PLCL1: variants seen among roughly 807,000 people sequenced by gnomAD.
The protein encoded by PLCL1 is phospholipase C like 1 (inactive).
PLCL1 carries 41 observed loss-of-function variants against 84.4 expected under a neutral mutation model. The observed-to-expected ratio is 0.49, with a 90% CI of 0.38 to 0.63. PLCL1 has a LOEUF of 0.63. PLCL1 is among the 30% of genes least tolerant of loss of function. The pLI is 0.00. For missense variants in PLCL1, 1,206 were observed against 1,367.8 expected, an observed-to-expected ratio of 0.88 and a Z score of 1.87; for synonymous variants, 490 against 488.3, an observed-to-expected ratio of 1.00 and a Z score of -0.05.
intron 1 of PLCL1, among the ~76,000 whole-genome samples, chr2:197,850,831 C>A (rs1448732529): frequency 6.6e-6 from 1 of 152,178 alleles, no homozygotes; most frequent in Non-Finnish European, 1.5e-5. Context: ...CTAAAAGCAG[C>A]AACTTGTGGG....
At chr2:198,067,514 T>C (rs1184887903) in intron 1 of PLCL1, among the ~76,000 whole-genome samples, 1 of 152,230 alleles carries the variant, frequency 6.6e-6, no homozygotes, top group African/African-American at 2.4e-5. Context: ...CAGTTCTTTT[T>C]TTTCAACATT....
intron 1 of PLCL1, among the ~76,000 whole-genome samples, chr2:197,991,710 G>A (rs957963270): frequency 6.6e-6 from 1 of 152,106 alleles, no homozygotes; most frequent in Admixed American, 6.5e-5. Flanking sequence ...CCCAGTGCAG[G>A]ACTGCTGCAG....
intron 1 of PLCL1, among the ~76,000 whole-genome samples, chr2:198,055,570 G>A (rs879385512): frequency 2.0e-5 from 3 of 147,668 alleles, no homozygotes; most frequent in South Asian, 2.2e-4. Flanking sequence ...GGAGAAAACC[G>A]TTTATGTTAT....
chr2:197,901,666 T>C (rs1242855858), intron 1 of PLCL1, among the ~76,000 whole-genome samples: 5 of 152,156 alleles, frequency 3.3e-5, no homozygotes, highest in Non-Finnish European at 7.3e-5. Flanking sequence ...AGGATAAAGA[T>C]TCAGAGCAAT....
chr2:197,872,418 A>G (rs932005871), intron 1 of PLCL1, among the ~76,000 whole-genome samples: 2 of 152,076 alleles, frequency 1.3e-5, no homozygotes, highest in Non-Finnish European at 2.9e-5. Flanking sequence ...TTTCCCCATT[A>G]AACTGTAGGC....
chr2:197,952,857 C>G (rs1356617258), intron 1 of PLCL1, among the ~76,000 whole-genome samples: 1 of 152,044 alleles, frequency 6.6e-6, no homozygotes, highest in Non-Finnish European at 1.5e-5. Flanking sequence ...GTAAGGTATG[C>G]CTTTCACCTT....
At chr2:197,865,370 C>T (rs542401781) in intron 1 of PLCL1, among the ~76,000 whole-genome samples, 16 of 152,136 alleles carry the variant, frequency 1.1e-4, no homozygotes, top group South Asian at 6.2e-4. Context: ...AAAAGCAAAA[C>T]GGGACTGTTT....
At position 197,850,928 on chromosome 2, in the gene PLCL1, C is replaced by G. The variant is rs77924503; in HGVS notation, c.240+45589C>G. On this transcript the variant is annotated intron_variant, in intron 1 of 5. Transcript: ENST00000428675. ...GACCACTTGCACCTCCATAAACAAA[C>G]ATTATCACAAACTTTCTTATATACC... is the stretch of plus-strand genomic sequence containing the variant. Among the ~76,000 whole-genome samples the G allele has an allele frequency of 6.9e-3, 1,053 of 152,302 alleles. 17 individuals carry two copies. The highest frequency in any genetic ancestry group is 0.024 in the African/African-American group (989 of 41,570).
intron 1 of PLCL1, among the ~76,000 whole-genome samples, chr2:198,030,154 C>A (rs1272635635): frequency 6.6e-6 from 1 of 152,064 alleles, no homozygotes; most frequent in Non-Finnish European, 1.5e-5. Context: ...TTTTTCCCTC[C>A]TCCCACCCTT....
At chr2:198,008,023 T>C (rs1690772072) in intron 1 of PLCL1, among the ~76,000 whole-genome samples, 1 of 152,094 alleles carries the variant, frequency 6.6e-6, no homozygotes, top group African/African-American at 2.4e-5. Flanking sequence ...TTTCATTGTT[T>C]ACTTTTACTA....
At chr2:197,982,913 T>C (rs1038309385) in intron 1 of PLCL1, among the ~76,000 whole-genome samples, 13 of 152,324 alleles carry the variant, frequency 8.5e-5, no homozygotes, top group Non-Finnish European at 1.3e-4. Flanking sequence ...ATTAATACTT[T>C]TATTTGTCTA....
intron 5 of PLCL1, among the ~76,000 whole-genome samples, chr2:198,109,571 T>C (rs187835546): frequency 1.6e-3 from 245 of 152,040 alleles, no homozygotes; most frequent in African/African-American, 5.7e-3. Context: ...ATTTTGGAAG[T>C]GTTTCACTCA....
chr2:197,912,957 A>T (rs1688516822), intron 1 of PLCL1, among the ~76,000 whole-genome samples: 1 of 113,726 alleles, frequency 8.8e-6, no homozygotes, highest in South Asian at 2.8e-4. Context: ...ATAATAAAAA[A>T]AAATTAAAAA....
intron 1 of PLCL1, among the ~76,000 whole-genome samples, chr2:197,994,946 G>T (rs1690427587): frequency 1.3e-5 from 2 of 152,166 alleles, no homozygotes; most frequent in Admixed American, 1.3e-4. Context: ...TCTCCATGCA[G>T]AAGCAAGGGA....
At position 198,146,976 on chromosome 2, in the gene PLCL1, C is replaced by T. The variant is rs199693790; in HGVS notation, c.*14C>T. 1.1e-5 allele frequency: 17 copies of T among 1,569,930 alleles called. No homozygotes were observed. Among genetic ancestry groups the T allele is most frequent in the Middle Eastern group, 3.4e-4 (2 of 5,876 alleles). ...GGGAAGCTGTGACTCTGGGCATTAT[C>T]GACACGTTCACCCATCTTATCAAGG... On this transcript the variant is annotated 3_prime_UTR_variant, in exon 6 of 6. Transcript: ENST00000428675.
At chr2:197,914,087 T>G (rs1158216340) in intron 1 of PLCL1, among the ~76,000 whole-genome samples, 2 of 152,172 alleles carry the variant, frequency 1.3e-5, no homozygotes, top group African/African-American at 4.8e-5. Context: ...TAGTAACCAC[T>G]GATAGTGTGG....
At chr2:198,030,038 A>G (rs1344488594) in intron 1 of PLCL1, among the ~76,000 whole-genome samples, 2 of 152,130 alleles carry the variant, frequency 1.3e-5, no homozygotes, top group South Asian at 2.1e-4. Context: ...AGTCAGGGGT[A>G]TATGTGCAGG....
At chr2:197,836,069 AT>A (rs1354599772) in intron 1 of PLCL1, among the ~76,000 whole-genome samples, 7 of 152,276 alleles carry the variant, frequency 4.6e-5, no homozygotes, top group African/African-American at 1.4e-4. Context: ...ATAGAAATAA[AT>A]TTTTTTGGCT....
intron 1 of PLCL1, among the ~76,000 whole-genome samples, chr2:197,822,804 C>T (rs1432319020): frequency 6.6e-6 from 1 of 152,114 alleles, no homozygotes; most frequent in East Asian, 1.9e-4. Flanking sequence ...CTTTTGGATC[C>T]TGTATTTCTA....
Sources: gnomAD v4.1 joint callset for allele counts (sites outside exome capture counted in the v4.1 genomes callset) on GRCh38, gnomAD v4.1.1 for gene constraint, MANE v1.5 for transcripts, NCBI Gene and HGNC (gene_info 2026-07-23, HGNC 2026-07-21) for gene names.